The following ARK2C variants were observed in gnomAD, a reference collection of about 807,000 sequenced individuals.
ARK2C encodes the protein E3 ubiquitin-protein ligase ARK2C.
the ARK2C span, among the ~76,000 whole-genome samples, chr18:46,373,263 C>T: frequency 6.6e-6 from 1 of 152,246 alleles, no homozygotes; most frequent in Non-Finnish European, 1.5e-5. Flanking sequence ...TAATGCCCAG[C>T]CAAAGGCCAG....
the ARK2C span, chr18:46,460,387 CA>C: frequency 1.3e-5 from 2 of 151,810 alleles, no homozygotes; most frequent in African/African-American, 4.8e-5. Flanking sequence ...AAAAAAAACA[CA>C]AAAAACAAAA....
chr18:46,366,066 G>T, the ARK2C span, among the ~76,000 whole-genome samples: 2 of 152,036 alleles, frequency 1.3e-5, no homozygotes, highest in African/African-American at 4.8e-5. Context: ...GCCAAGGAGG[G>T]CGGATCACCT....
the ARK2C span, chr18:46,334,305 C>T: frequency 6.3e-7 from 1 of 1,584,370 alleles, no homozygotes; most frequent in African/African-American, 1.4e-5. The surrounding 1 kb of genome is among the most constrained non-coding windows in gnomAD (Gnocchi z 4.4). Flanking sequence ...CTATCTCGTG[C>T]TTCCAGTGTT....
the ARK2C span, among the ~76,000 whole-genome samples, chr18:46,427,429 C>T: frequency 1.3e-5 from 2 of 152,174 alleles, no homozygotes; most frequent in African/African-American, 4.8e-5. Context: ...TGGGTACTCT[C>T]ATGGCAGGAG....
chr18:46,376,231 A>T, the ARK2C span, among the ~76,000 whole-genome samples: 1 of 152,186 alleles, frequency 6.6e-6, no homozygotes, highest in South Asian at 2.1e-4. Flanking sequence ...TCTAAAATCA[A>T]CACACAGCAT....
At chr18:46,447,829 T>C in the ARK2C span, 1 of 985,286 alleles carries the variant, frequency 1.0e-6, no homozygotes, top group Non-Finnish European at 1.6e-6. Context: ...GGCTTCCACA[T>C]GACCCAGCTC....
chr18:46,363,501 A>G, the ARK2C span, among the ~76,000 whole-genome samples: 1 of 152,122 alleles, frequency 6.6e-6, no homozygotes, highest in Non-Finnish European at 1.5e-5. Context: ...TTCACTTGAG[A>G]CATCCACAAA....
the ARK2C span, among the ~76,000 whole-genome samples, chr18:46,350,354 A>G: frequency 6.6e-6 from 1 of 152,226 alleles, no homozygotes; most frequent in Non-Finnish European, 1.5e-5. Flanking sequence ...GGAGAAAACA[A>G]TCATCACAAA....
chr18:46,353,628 A>G, the ARK2C span, among the ~76,000 whole-genome samples: 8 of 152,316 alleles, frequency 5.3e-5, no homozygotes, highest in East Asian at 1.4e-3. Flanking sequence ...GGACTCTGAA[A>G]GTCAGAGAGT....
the ARK2C span, among the ~76,000 whole-genome samples, chr18:46,378,130 C>A: frequency 6.6e-6 from 1 of 152,220 alleles, no homozygotes; most frequent in Admixed American, 6.5e-5. Flanking sequence ...AGATTGAATG[C>A]AGGTTCCATT....
the ARK2C span, among the ~76,000 whole-genome samples, chr18:46,394,612 G>A: frequency 6.6e-6 from 1 of 152,204 alleles, no homozygotes; most frequent in Admixed American, 6.5e-5. Flanking sequence ...TTGGGCAAAT[G>A]GAATACAGTT....
At chr18:46,393,620 A>T in the ARK2C span, among the ~76,000 whole-genome samples, 1 of 152,230 alleles carries the variant, frequency 6.6e-6, no homozygotes, top group South Asian at 2.1e-4. Flanking sequence ...ACTAAGGTCT[A>T]AGGTCACCCC....
chr18:46,387,591 T>C, the ARK2C span, among the ~76,000 whole-genome samples: 4 of 152,208 alleles, frequency 2.6e-5, no homozygotes, highest in Non-Finnish European at 2.9e-5. Context: ...CTGGAGGGCA[T>C]GAAGCAAGAA....
At chr18:46,456,760 G>T in the ARK2C span, 1 of 740,810 alleles carries the variant, frequency 1.3e-6, no homozygotes, top group East Asian at 2.5e-5. Context: ...AGCACATTTT[G>T]TGGAAAGAGG....
At chr18:46,402,083 C>T in the ARK2C span, among the ~76,000 whole-genome samples, 2 of 152,196 alleles carry the variant, frequency 1.3e-5, no homozygotes, top group African/African-American at 4.8e-5. Context: ...AGGCAATCCA[C>T]CCTCCTTTAA....
chr18:46,438,793 C>T, the ARK2C span, among the ~76,000 whole-genome samples: 1 of 152,246 alleles, frequency 6.6e-6, no homozygotes, highest in South Asian at 2.1e-4. Flanking sequence ...TCATCATGAG[C>T]TGTTCCAGGG....
chr18:46,453,273 GGAGA>G, the ARK2C span, among the ~76,000 whole-genome samples: 2 of 152,150 alleles, frequency 1.3e-5, no homozygotes, highest in Admixed American at 1.3e-4. Flanking sequence ...ATCATTCTCT[GGAGA>G]GAGAGAGTTT....
chr18:46,461,622 G>A, the ARK2C span: 1 of 146,132 alleles, frequency 6.8e-6, no homozygotes. Context: ...ACTCTAGCCT[G>A]GGTGATAAGA....
At chr18:46,414,736 C>T in the ARK2C span, among the ~76,000 whole-genome samples, 3 of 152,320 alleles carry the variant, frequency 2.0e-5, no homozygotes, top group Admixed American at 6.5e-5. Context: ...AAACACAGCA[C>T]GTGGAATCCT....
Sources: gnomAD v4.1 joint callset for allele counts (sites outside exome capture counted in the v4.1 genomes callset) on GRCh38, gnomAD v4.1.1 for gene constraint, Gnocchi (gnomAD v3.1) non-coding constraint, MANE v1.5 for transcripts, NCBI Gene and HGNC (gene_info 2026-07-23, HGNC 2026-07-21) for gene names.